Variants in BAZ2B observed in about 807,000 individuals in gnomAD.
The protein encoded by BAZ2B is bromodomain adjacent to zinc finger domain 2B, also known as bromodomain adjacent to zinc finger domain protein 2B.
BAZ2B carries 91 observed loss-of-function variants against 246.0 expected under a neutral mutation model. That is an observed-to-expected ratio of 0.37 (90% CI 0.31 to 0.44). The LOEUF (loss-of-function observed/expected upper bound fraction) is 0.44, where lower values mean the gene tolerates loss of function less well. Ranked by LOEUF, BAZ2B falls within the 20% of genes least tolerant of loss-of-function variation. BAZ2B has a pLI of 1.00. For missense variants in BAZ2B, 2,332 were observed against 2,533.7 expected, an observed-to-expected ratio of 0.92 and a Z score of 1.71; for synonymous variants, 855 against 860.0, an observed-to-expected ratio of 0.99 and a Z score of 0.10.
At chr2:159,575,161 T>G (rs1485299263) in intron 1 of BAZ2B, among the ~76,000 whole-genome samples, 2 of 151,946 alleles carry the variant, frequency 1.3e-5, no homozygotes, top group African/African-American at 4.8e-5. Flanking sequence ...AGTAGGATAG[T>G]GGGTAATGGG....
chr2:159,455,949 T>C (rs1335625458), intron 3 of BAZ2B, among the ~76,000 whole-genome samples: 1 of 151,990 alleles, frequency 6.6e-6, no homozygotes, highest in African/African-American at 2.4e-5. Context: ...TTTATAAACA[T>C]ACTATGATCA....
At chr2:159,676,957 T>TAA in the BAZ2B span, among the ~76,000 whole-genome samples, 1 of 10,236 alleles carries the variant, frequency 9.8e-5, no homozygotes, top group African/African-American at 4.9e-4. Flanking sequence ...TTTTGTTATA[T>TAA]ATATATATAT....
At chr2:159,411,797 G>A in intron 14 of BAZ2B, 1 of 274,488 alleles carries the variant, frequency 3.6e-6, no homozygotes, top group Non-Finnish European at 5.6e-6. Flanking sequence ...ATAATTTCTG[G>A]TTATCTTAAA....
chr2:159,439,270 A>G (rs2072953210), intron 6 of BAZ2B, 58 bp from the exon 7 acceptor site: 1 of 1,404,106 alleles, frequency 7.1e-7, no homozygotes, highest in South Asian at 1.3e-5. Context: ...TCAAGTTTCA[A>G]TAAAAGGTGT....
chr2:159,658,434 A>G, the BAZ2B span, among the ~76,000 whole-genome samples: 1 of 152,184 alleles, frequency 6.6e-6, no homozygotes, highest in Non-Finnish European at 1.5e-5. Context: ...CCTGAGTTCA[A>G]GAGATCCTCT....
intron 36 of BAZ2B, among the ~76,000 whole-genome samples, chr2:159,322,838 G>C (rs2062878475): frequency 6.6e-6 from 1 of 152,062 alleles, no homozygotes; most frequent in South Asian, 2.1e-4. Flanking sequence ...ACTCAAAGTG[G>C]AGAGTTCGAG....
At chr2:159,673,540 A>G in the BAZ2B span, among the ~76,000 whole-genome samples, 4,464 of 152,284 alleles carry the variant, frequency 0.029, 236 homozygotes, top group African/African-American at 0.1. Context: ...ATGCATAAAA[A>G]TATGTATGTA....
intron 9 of BAZ2B, among the ~76,000 whole-genome samples, chr2:159,431,882 G>A (rs1024780414): frequency 1.3e-5 from 2 of 152,076 alleles, no homozygotes; most frequent in African/African-American, 4.8e-5. Flanking sequence ...ATTCTGGTTT[G>A]TGTTATACCA....
At chr2:159,568,442 A>C (rs1683155276) in intron 1 of BAZ2B, among the ~76,000 whole-genome samples, 2 of 152,198 alleles carry the variant, frequency 1.3e-5, no homozygotes, top group South Asian at 4.1e-4. Flanking sequence ...TTATCAGATG[A>C]ATCAACTGCT....
At position 159,398,926 on chromosome 2, in the gene BAZ2B, C is replaced by G. The variant is rs1337569603; in HGVS notation, c.2899-32G>C. The G allele has an allele frequency of 3.2e-6, 5 of 1,585,600 alleles. No homozygotes were observed. The East Asian group carries it at 6.7e-5, about 21-fold the overall frequency. On this transcript the variant is annotated intron_variant, in intron 17 of 36. Transcript: ENST00000392783. Reference sequence around the variant, plus strand: ...ATGCAAAACAGGTCTCAAAGTCATGCAACAGCACCACTACAACTTGCAAAT... The same window carrying G: ...ATGCAAAACAGGTCTCAAAGTCATGGAACAGCACCACTACAACTTGCAAAT...
At chr2:159,497,037 T>C (rs1021873988) in intron 2 of BAZ2B, among the ~76,000 whole-genome samples, 1 of 152,128 alleles carries the variant, frequency 6.6e-6, no homozygotes, top group Admixed American at 6.5e-5. Flanking sequence ...TAAAAGTTCA[T>C]CATTTAATAA....
At chr2:159,396,503 A>C (rs1390181352) in intron 19 of BAZ2B, 3 of 152,226 alleles carry the variant, frequency 2.0e-5, no homozygotes, top group Non-Finnish European at 1.5e-5. Context: ...ATGGGCTCAC[A>C]GGTGGAATCT....
intron 3 of BAZ2B, among the ~76,000 whole-genome samples, chr2:159,473,443 T>G (rs2078093765): frequency 6.6e-6 from 1 of 152,234 alleles, no homozygotes; most frequent in South Asian, 2.1e-4. Flanking sequence ...TTGCATCTAT[T>G]TGATTCTTCT....
intron 1 of BAZ2B, among the ~76,000 whole-genome samples, chr2:159,569,148 C>T (rs754589554): frequency 2.0e-5 from 3 of 152,132 alleles, no homozygotes; most frequent in Non-Finnish European, 4.4e-5. Context: ...CATATTTACA[C>T]TACTCAGCGA....
intron 13 of BAZ2B, among the ~76,000 whole-genome samples, chr2:159,423,084 G>C (rs1226697736): frequency 6.6e-6 from 1 of 152,142 alleles, no homozygotes; most frequent in African/African-American, 2.4e-5. Flanking sequence ...GGGAGGCCAA[G>C]GCAGGCAGAT....
the BAZ2B span, among the ~76,000 whole-genome samples, chr2:159,683,641 T>C: frequency 3.9e-5 from 6 of 152,126 alleles, no homozygotes; most frequent in Admixed American, 6.5e-5. Context: ...GAGGCTAAAA[T>C]CAAGGTGTTA....
At chr2:159,371,966 T>C (rs2060895738) in intron 27 of BAZ2B, among the ~76,000 whole-genome samples, 1 of 152,164 alleles carries the variant, frequency 6.6e-6, no homozygotes, top group Admixed American at 6.5e-5. Flanking sequence ...TAGAAAATTC[T>C]CCCAAGTAGA....
chr2:159,623,246 T>G, the BAZ2B span, among the ~76,000 whole-genome samples: 3 of 151,914 alleles, frequency 2.0e-5, no homozygotes, highest in Admixed American at 6.6e-5. Context: ...GGTATATACC[T>G]GTAGTCGCAG....
intron 2 of BAZ2B, among the ~76,000 whole-genome samples, chr2:159,505,413 G>C (rs954739097): frequency 2.6e-5 from 4 of 152,094 alleles, no homozygotes; most frequent in African/African-American, 9.7e-5. Flanking sequence ...TCTGGGGGTG[G>C]GGATGTAAGC....
Sources: gnomAD v4.1 joint callset for allele counts (sites outside exome capture counted in the v4.1 genomes callset) on GRCh38, gnomAD v4.1.1 for gene constraint, MANE v1.5 for transcripts, NCBI Gene and HGNC (gene_info 2026-07-23, HGNC 2026-07-21) for gene names.